Variants in WWOX observed in about 807,000 individuals in gnomAD.
WWOX encodes the protein WW domain-containing oxidoreductase.
A neutral mutation model predicts 46.2 loss-of-function variants in WWOX; 69 were observed. That is an observed-to-expected ratio of 1.49 (90% CI 1.23 to 1.82). The LOEUF (loss-of-function observed/expected upper bound fraction) is 1.82, where lower values mean the gene tolerates loss of function less well. Among genes scored for constraint, WWOX ranks in the 40% most tolerant of loss-of-function variants. The pLI, the probability that WWOX is intolerant of heterozygous loss-of-function variation, is 0.00. For synonymous variants in WWOX, 359 were observed against 202.6 expected (o/e 1.77, Z -6.56); for missense variants, 919 against 542.6 (o/e 1.69, Z -6.89).
chr16:79,113,933 G>C (rs921811539), intron 8 of WWOX, among the ~76,000 whole-genome samples: 3 of 152,216 alleles, frequency 2.0e-5, no homozygotes, highest in Admixed American at 6.5e-5. Context: ...CTGAGTGGCA[G>C]TCCTAAGGCC....
chr16:78,328,225 C>G (rs187725344), intron 5 of WWOX, among the ~76,000 whole-genome samples: 1 of 152,042 alleles, frequency 6.6e-6, no homozygotes, highest in Non-Finnish European at 1.5e-5. Flanking sequence ...AATTCCCGAA[C>G]CTTCAAAAAA....
intron 8 of WWOX, among the ~76,000 whole-genome samples, chr16:78,667,088 C>T (rs1567475901): frequency 6.6e-6 from 1 of 152,148 alleles, no homozygotes; most frequent in Non-Finnish European, 1.5e-5. Flanking sequence ...TCTTTGTGTA[C>T]TTGCTTTTTA....
chr16:78,879,773 A>C (rs1286504783), intron 8 of WWOX, among the ~76,000 whole-genome samples: 1 of 152,042 alleles, frequency 6.6e-6, no homozygotes, highest in East Asian at 1.9e-4. Flanking sequence ...GCTACTTGGG[A>C]GGCTGAGGCA....
chr16:78,827,590 T>C (rs1002720816), intron 8 of WWOX, among the ~76,000 whole-genome samples: 2 of 151,816 alleles, frequency 1.3e-5, no homozygotes, highest in Admixed American at 1.3e-4. Flanking sequence ...CCCAGCACTT[T>C]GGGAGGCCAA....
chr16:78,536,149 A>G (rs991766286), intron 8 of WWOX, among the ~76,000 whole-genome samples: 5 of 152,208 alleles, frequency 3.3e-5, no homozygotes, highest in Admixed American at 6.5e-5. Context: ...GGTTTAAGAT[A>G]CAGGCACCAC....
At chr16:78,863,698 A>T (rs1291772212) in intron 8 of WWOX, among the ~76,000 whole-genome samples, 3 of 152,342 alleles carry the variant, frequency 2.0e-5, no homozygotes, top group South Asian at 2.1e-4. Context: ...CTCAGTGGGT[A>T]TCTGTTGAAC....
intron 8 of WWOX, among the ~76,000 whole-genome samples, chr16:78,456,656 T>C (rs1336641385): frequency 6.6e-6 from 1 of 152,232 alleles, no homozygotes; most frequent in African/African-American, 2.4e-5. Context: ...TTCTGAAACA[T>C]CCTGATATAT....
intron 8 of WWOX, chr16:78,898,532 A>G (rs1287375821): frequency 2.0e-5 from 3 of 152,110 alleles, no homozygotes; most frequent in Non-Finnish European, 4.4e-5. Context: ...GATTGCCTGG[A>G]AGCTAGGTAA....
intron 8 of WWOX, among the ~76,000 whole-genome samples, chr16:78,484,991 GCTGA>G (rs1180076714): frequency 6.6e-6 from 1 of 152,052 alleles, no homozygotes; most frequent in Non-Finnish European, 1.5e-5. Context: ...CTTCTGATGA[GCTGA>G]CTAACACCTT....
At chr16:78,330,538 A>C (rs897070008) in intron 5 of WWOX, among the ~76,000 whole-genome samples, 1 of 152,172 alleles carries the variant, frequency 6.6e-6, no homozygotes, top group Non-Finnish European at 1.5e-5. Flanking sequence ...GTGAGACTAC[A>C]GGCGCATGCC....
intron 4 of WWOX, among the ~76,000 whole-genome samples, chr16:78,146,635 T>C (rs530671145): frequency 1.2e-4 from 19 of 152,278 alleles, no homozygotes; most frequent in East Asian, 7.7e-4. Flanking sequence ...TGTTATCAAA[T>C]GAAGAACTCC....
chr16:78,766,782 A>G (rs1317823928), intron 8 of WWOX, among the ~76,000 whole-genome samples: 2 of 152,156 alleles, frequency 1.3e-5, no homozygotes, highest in Admixed American at 1.3e-4. Context: ...TACTTTTTTT[A>G]TTTTGGCAAA....
chr16:78,944,313 A>G (rs554852691), intron 8 of WWOX, among the ~76,000 whole-genome samples: 1 of 152,116 alleles, frequency 6.6e-6, no homozygotes, highest in Non-Finnish European at 1.5e-5. Context: ...TTGAATTGGA[A>G]TTATATGTCT....
intron 8 of WWOX, among the ~76,000 whole-genome samples, chr16:78,629,766 G>A (rs980442708): frequency 2.6e-5 from 4 of 152,172 alleles, no homozygotes; most frequent in African/African-American, 4.8e-5. Context: ...TCTCTGGGGT[G>A]CAGGGGTCTT....
intron 5 of WWOX, among the ~76,000 whole-genome samples, chr16:78,261,645 A>T (rs758514773): frequency 1.3e-5 from 2 of 149,986 alleles, no homozygotes. Context: ...GGAATCAGGG[A>T]GACTATGGAA....
chr16:78,782,695 A>G (rs2050360451), intron 8 of WWOX, among the ~76,000 whole-genome samples: 1 of 141,956 alleles, frequency 7.0e-6, no homozygotes, highest in African/African-American at 2.6e-5. Flanking sequence ...CATTTTTCCA[A>G]TTGTGATCAT....
intron 5 of WWOX, among the ~76,000 whole-genome samples, chr16:78,345,458 C>CACAAAAAA (rs1475313034): frequency 1.5e-4 from 4 of 26,780 alleles, no homozygotes; most frequent in African/African-American, 3.4e-4. Flanking sequence ...CCATCGCTAC[C>CACAAAAAA]AAAAAAAAAA....
At chr16:78,302,209 C>A (rs1036293209) in intron 5 of WWOX, among the ~76,000 whole-genome samples, 1 of 152,136 alleles carries the variant, frequency 6.6e-6, no homozygotes, top group Non-Finnish European at 1.5e-5. Context: ...GATCTGCCTG[C>A]CTTGGCCTCC....
At chr16:78,364,546 T>A (rs929770660) in intron 5 of WWOX, among the ~76,000 whole-genome samples, 2 of 139,720 alleles carry the variant, frequency 1.4e-5, no homozygotes, top group African/African-American at 2.6e-5. Context: ...TCTTTGGGAC[T>A]CCGGAAGAAA....
Sources: gnomAD v4.1 joint callset for allele counts (sites outside exome capture counted in the v4.1 genomes callset) on GRCh38, gnomAD v4.1.1 for gene constraint, MANE v1.5 for transcripts, NCBI Gene and HGNC (gene_info 2026-07-23, HGNC 2026-07-21) for gene names.